Variants in MSH4 observed in about 807,000 individuals in gnomAD.
MSH4 encodes mutS homolog 4, also known as mutS protein homolog 4.
A neutral mutation model predicts 113.7 loss-of-function variants in MSH4; 106 were observed. That is an observed-to-expected ratio of 0.93 (90% CI 0.80 to 1.10). The LOEUF is 1.10. MSH4 is among the 50% of genes least tolerant of loss of function. The probability of loss-of-function intolerance (pLI) is 0.00; values close to 1 mark genes in which losing one functional copy is unlikely to be tolerated. For synonymous variants in MSH4, 368 were observed against 380.2 expected, an observed-to-expected ratio of 0.97 and a Z score of 0.37; for missense variants, 1,061 against 1,093.7, an observed-to-expected ratio of 0.97 and a Z score of 0.42.
intron 15 of MSH4, among the ~76,000 whole-genome samples, chr1:75,886,841 A>ATATATATATATAT (rs1652135352): frequency 9.0e-4 from 1 of 1,112 alleles, no homozygotes; most frequent in Non-Finnish European, 9.3e-3. Context: ...TATATATATT[A>ATATATATATATAT]TATATATATA....
chr1:75,846,776 T>C (rs1651085952), intron 7 of MSH4, among the ~76,000 whole-genome samples: 1 of 152,206 alleles, frequency 6.6e-6, no homozygotes, highest in Non-Finnish European at 1.5e-5. Context: ...CAATCTGGGC[T>C]TTTTCTAACC....
At chr1:75,838,551 C>T (rs1650882586) in intron 7 of MSH4, among the ~76,000 whole-genome samples, 1 of 152,082 alleles carries the variant, frequency 6.6e-6, no homozygotes, top group African/African-American at 2.4e-5. Flanking sequence ...GCATAAAATC[C>T]TTCAATCTTT....
In MSH4 at chr1:75,898,016, G is replaced by C; in HGVS notation, c.2465G>C (p.Arg822Thr). ...FEVQHVKNTS[R>T]NKEAILYTYK... ...GTTCAACATGTAAAGAATACCTCAA[G>C]AAATAAAGAAGCAATTTTGTATACC... Residue 822 changes from arginine (R) to threonine (T), a missense_variant, in exon 18 of 20, where the codon AGA (arginine) becomes ACA (threonine). Coordinates refer to ENST00000263187, the MANE Select transcript of MSH4 (RefSeq NM_002440.4). 6.2e-7 allele frequency: 1 copy of C among 1,606,564 alleles called. No individual in the cohort carries two copies. Among genetic ancestry groups the C allele is most frequent in the Non-Finnish European group, 8.5e-7 (1 of 1,176,390 alleles).
chr1:75,854,940 A>T (rs1651282457), intron 8 of MSH4, among the ~76,000 whole-genome samples: 1 of 152,326 alleles, frequency 6.6e-6, no homozygotes, highest in East Asian at 1.9e-4. Context: ...AACAGTTTTT[A>T]CTTATGAATA....
intron 2 of MSH4, among the ~76,000 whole-genome samples, chr1:75,805,873 T>A (rs1199869270): frequency 6.6e-6 from 1 of 152,102 alleles, no homozygotes; most frequent in African/African-American, 2.4e-5. Flanking sequence ...ATAAGATTAT[T>A]ATTAAATTAG....
At chr1:75,850,477 G>C (rs1651160658) in intron 8 of MSH4, among the ~76,000 whole-genome samples, 1 of 151,858 alleles carries the variant, frequency 6.6e-6, no homozygotes, top group African/African-American at 2.4e-5. Context: ...ATATCTTTTT[G>C]TTATTGGTTT....
At chr1:75,907,634 A>G (rs367961225) in intron 19 of MSH4, among the ~76,000 whole-genome samples, 1 of 136,502 alleles carries the variant, frequency 7.3e-6, no homozygotes, top group East Asian at 2.1e-4. Flanking sequence ...ACACCAGTGA[A>G]TCTTAGATTT....
intron 7 of MSH4, among the ~76,000 whole-genome samples, chr1:75,841,111 G>A (rs1650949554): frequency 6.6e-6 from 1 of 151,968 alleles, no homozygotes; most frequent in South Asian, 2.1e-4. Context: ...TTAGGATAAG[G>A]ATCTGGTATG....
At chr1:75,818,752 GT>G (rs61322846) in intron 6 of MSH4, among the ~76,000 whole-genome samples, 120,194 of 151,574 alleles carry the variant, frequency 0.79, 48,198 homozygotes, top group South Asian at 0.9. Context: ...TGTATATTCC[GT>G]TTTTTTTGTT....
At chr1:75,858,587 G>T (rs913098321) in intron 8 of MSH4, among the ~76,000 whole-genome samples, 3 of 152,136 alleles carry the variant, frequency 2.0e-5, no homozygotes, top group Admixed American at 2.0e-4. Context: ...TGTGTATGTT[G>T]AACCAGACTC....
At chr1:75,867,153 A>T (rs1023109590) in intron 8 of MSH4, among the ~76,000 whole-genome samples, 1 of 152,182 alleles carries the variant, frequency 6.6e-6, no homozygotes. Flanking sequence ...TTAAAATATC[A>T]TCTATCTACA....
intron 7 of MSH4, among the ~76,000 whole-genome samples, chr1:75,842,185 T>C (rs1480878206): frequency 2.6e-5 from 4 of 152,162 alleles, no homozygotes; most frequent in Non-Finnish European, 5.9e-5. Context: ...TAGTTGACAA[T>C]TGGTTGAGTT....
Position 75,807,068 on chromosome 1 carries a change from G to A in MSH4, c.515G>A (p.Gly172Glu), listed in dbSNP as rs770977312. Residue 172 changes from glycine to glutamate, a missense_variant, in exon 3 of 20, where the codon GGA (glycine) becomes GAA (glutamate). Coordinates refer to ENST00000263187, the MANE Select transcript of MSH4 (RefSeq NM_002440.4). ...AGAGGACTTGCCAGAGGTGAAATAG[G>A]AATGGCAAGTATTGATTTAAAAAAC... ...EGRGLARGEI[G>E]MASIDLKNPQ... 3 of 1,590,772 alleles carry A rather than the reference G, an allele frequency of 1.9e-6. No individual in the cohort carries two copies. Among genetic ancestry groups the A allele is most frequent in the East Asian group, 4.6e-5 (2 of 43,670 alleles).
chr1:75,879,047 C>A lies in MSH4; in HGVS notation c.1596C>A (p.Ser532Arg). Residue 532 changes from serine (S) to arginine (R), a missense_variant, in exon 12 of 20, where the codon AGC becomes AGA. Transcript: ENST00000263187. ...GTCTACCTTTAAGGACAAGTTTTAG[C>A]TCTGCTCGAGGATTTTTCATCCAGA... ...KYSLPLRTSFSSARGFFIQMT... is the reference protein window; with the variant it reads ...KYSLPLRTSFRSARGFFIQMT... 1 of 1,609,762 alleles carries A rather than the reference C, an allele frequency of 6.2e-7. No homozygotes were observed. Among genetic ancestry groups the A allele is most frequent in the Non-Finnish European group, 8.5e-7 (1 of 1,176,342 alleles).
intron 7 of MSH4, among the ~76,000 whole-genome samples, chr1:75,825,445 T>C (rs1362491975): frequency 6.6e-6 from 1 of 152,170 alleles, no homozygotes; most frequent in Non-Finnish European, 1.5e-5. Context: ...CCTATATGAA[T>C]ACCCTTTATT....
intron 15 of MSH4, among the ~76,000 whole-genome samples, chr1:75,884,339 C>T (rs767963477): frequency 6.6e-6 from 1 of 152,044 alleles, no homozygotes; most frequent in Non-Finnish European, 1.5e-5. Flanking sequence ...ATGGCTGTCA[C>T]TGACCCAACA....
intron 9 of MSH4, among the ~76,000 whole-genome samples, chr1:75,872,197 A>T (rs1651728745): frequency 6.6e-6 from 1 of 152,216 alleles, no homozygotes; most frequent in Non-Finnish European, 1.5e-5. Flanking sequence ...ACATTCCCAC[A>T]AAGGGTAACA....
At chr1:75,858,839 G>A (rs1005696715) in intron 8 of MSH4, among the ~76,000 whole-genome samples, 2 of 152,168 alleles carry the variant, frequency 1.3e-5, no homozygotes, top group Admixed American at 6.5e-5. Flanking sequence ...CAGAAGGAAT[G>A]GTCCCAGCTC....
chr1:75,857,189 C>T (rs540868768), intron 8 of MSH4, among the ~76,000 whole-genome samples: 79 of 152,188 alleles, frequency 5.2e-4, no homozygotes, highest in African/African-American at 1.8e-3. Flanking sequence ...TGGATGTTAG[C>T]CTTTTGTCGG....
Sources: gnomAD v4.1 joint callset for allele counts (sites outside exome capture counted in the v4.1 genomes callset) on GRCh38, gnomAD v4.1.1 for gene constraint, MANE v1.5 for transcripts, NCBI Gene and HGNC (gene_info 2026-07-23, HGNC 2026-07-21) for gene names.